LLGL2: variants seen among roughly 807,000 people sequenced by gnomAD.
LLGL2 encodes LLGL2, scribble cell polarity complex component.
A neutral mutation model predicts 123.2 loss-of-function variants in LLGL2; 81 were observed. That is an observed-to-expected ratio of 0.66 (90% CI 0.55 to 0.79). LLGL2 has a LOEUF of 0.79. Among genes scored for constraint, LLGL2 ranks in the 30% least tolerant of loss-of-function variants. The probability of loss-of-function intolerance (pLI) is 0.00; values close to 1 mark genes in which losing one functional copy is unlikely to be tolerated. For missense variants in LLGL2, 1,273 were observed against 1,414.6 expected (o/e 0.90, Z 1.61); for synonymous variants, 577 against 594.1 (o/e 0.97, Z 0.42).
chr17:75,533,882 AAG>A (rs2053904950), intron 1 of LLGL2, among the ~76,000 whole-genome samples: 1 of 152,204 alleles, frequency 6.6e-6, no homozygotes, highest in South Asian at 2.1e-4. Flanking sequence ...CATTTGAGCA[AAG>A]CTTTGAAGGA....
chr17:75,535,829 T>G (rs780518611), intron 1 of LLGL2, among the ~76,000 whole-genome samples: 2 of 152,178 alleles, frequency 1.3e-5, no homozygotes, highest in Non-Finnish European at 2.9e-5. Flanking sequence ...TCTTTCCAAG[T>G]GGGTGTCCAG....
chr17:75,556,144 G>C lies in LLGL2; in HGVS notation c.173+1G>C. ...GCACCCGTTCTGGAGCCATCAAGCT[G>C]TATCCTCCGTCCCCTCGCTCCCACT... On this transcript the variant is annotated splice_donor_variant, in intron 3 of 25. Transcript: ENST00000392550. LOFTEE classifies it high-confidence loss of function. 1.2e-6 allele frequency: 2 copies of C among 1,608,188 alleles called. No homozygotes were observed. The highest frequency in any genetic ancestry group is 1.7e-6 in the Non-Finnish European group (2 of 1,178,842).
intron 21 of LLGL2, 23 bp downstream of exon 21, chr17:75,573,654 T>TCGGCCCC: frequency 1.3e-6 from 2 of 1,550,814 alleles, no homozygotes; most frequent in Admixed American, 1.8e-5. Context: ...GCCAGAGGCC[T>TCGGCCCC]CTCCCGCCCC....
At chr17:75,556,648 G>A (rs887802633) in intron 3 of LLGL2, among the ~76,000 whole-genome samples, 4 of 152,174 alleles carry the variant, frequency 2.6e-5, no homozygotes, top group African/African-American at 9.7e-5. Context: ...TGGCTGGTGC[G>A]CCAGTAGCAA....
rs747678898 is a variant in LLGL2, at chr17:75,571,716, C to T, written c.2226C>T (p.Ile742=). Residue 742 remains isoleucine (I), a synonymous_variant, in exon 18 of 26, where the codon ATC becomes ATT. Coordinates refer to ENST00000392550, the MANE Select transcript of LLGL2 (RefSeq NM_001031803.2). The stretch of plus-strand genomic sequence containing the variant: ...GGGCTGGCACCAATGGGGGCACCAT[C>T]TATGCCTTCTCCCTGCGTGTGCCTC... ...SLWAGTNGGT[I]YAFSLRVPPA... is the part of the protein sequence containing the mutation. 53 of 1,609,708 alleles carry T rather than the reference C, an allele frequency of 3.3e-5. No individual in the cohort carries two copies. In the Admixed American group the frequency reaches 3.5e-4, roughly 11 times the overall value.
At chr17:75,568,360 A>G in intron 10 of LLGL2, 116 bp from the exon 11 acceptor site, 2 of 1,460,898 alleles carry the variant, frequency 1.4e-6, no homozygotes, top group Middle Eastern at 2.5e-4. Context: ...CAAGCAGCCA[A>G]GAACAGGGCT....
chr17:75,556,027 C>A lies in LLGL2; in HGVS notation c.76-19C>A, dbSNP rs1224667568. 2 of 1,600,990 alleles carry A rather than the reference C, an allele frequency of 1.2e-6. No homozygotes were observed. Among genetic ancestry groups the A allele is most frequent in the East Asian group, 2.2e-5 (1 of 44,828 alleles). On this transcript the variant is annotated intron_variant, in intron 2 of 25. Transcript: ENST00000392550. ...AGGGGACAGGTCTGCAGGCCCACCC[C>A]ACGTGCTTCTCGTTGCAGACGGTGG...
chr17:75,541,410 G>C (rs1442528351), intron 1 of LLGL2, among the ~76,000 whole-genome samples: 1 of 152,232 alleles, frequency 6.6e-6, no homozygotes, highest in Non-Finnish European at 1.5e-5. Context: ...GCAGATCTGG[G>C]TGTCCCCTCA....
Position 75,569,132 on chromosome 17 carries a change from G to A in LLGL2, c.1476+1G>A. 6.2e-7 allele frequency: 1 copy of A among 1,613,404 alleles called. No individual in the cohort carries two copies. Among genetic ancestry groups the A allele is most frequent in the Non-Finnish European group, 8.5e-7 (1 of 1,179,882 alleles). Reference sequence around the variant, plus strand: ...GGACGAGTGGCCCCCACTCCGCAAGGTGAGGCCAGGAGCCTGGGACCCAGG... The same window carrying A: ...GGACGAGTGGCCCCCACTCCGCAAGATGAGGCCAGGAGCCTGGGACCCAGG... On this transcript the variant is annotated splice_donor_variant, in intron 13 of 25. Coordinates refer to ENST00000392550, the MANE Select transcript of LLGL2 (RefSeq NM_001031803.2). LOFTEE classifies it high-confidence loss of function.
rs761815831 is a variant in LLGL2, at chr17:75,571,746, C to A, written c.2256C>A (p.Ala752=). ...CCTTCTCCCTGCGTGTGCCTCCCGC[C>A]GAGCGGAGAATGGATGAGCCTGTGC... The part of the protein sequence containing the change: ...IYAFSLRVPP[A]ERRMDEPVRA... Residue 752 remains alanine, a synonymous_variant, in exon 18 of 26, where the codon GCC becomes GCA. Transcript: ENST00000392550. The A allele has an allele frequency of 1.9e-6, 3 of 1,608,782 alleles. No homozygotes were observed. The African/African-American group carries it at 4.0e-5, about 21-fold the overall frequency.
In LLGL2 at chr17:75,568,774, G is replaced by C. The variant is rs2055558282; in HGVS notation, c.1257G>C (p.Glu419Asp). 6 of 1,606,906 alleles carry C rather than the reference G, an allele frequency of 3.7e-6. No homozygotes were observed. The highest frequency in any genetic ancestry group is 5.1e-6 in the Non-Finnish European group (6 of 1,175,806). Residue 419 changes from glutamate (E) to aspartate (D), a missense_variant and splice_region_variant, in exon 12 of 26, where the codon GAG becomes GAC. Transcript: ENST00000392550. The stretch of plus-strand genomic sequence containing the variant: ...GACTTCTTGGTCTCTTTTTCTAGGA[G>C]TGGCCAATTGATGGTGGCACCAGCC... ...SRQNAHFSTMEWPIDGGTSLT... is the reference protein window; with the variant it reads ...SRQNAHFSTMDWPIDGGTSLT...
chr17:75,532,077 C>CTT (rs1555648013), intron 1 of LLGL2, among the ~76,000 whole-genome samples: 18 of 83,992 alleles, frequency 2.1e-4, no homozygotes, highest in East Asian at 1.4e-3. Context: ...CACACACACA[C>CTT]TTTTTTTTTT....
chr17:75,540,281 T>G (rs1473904714), intron 1 of LLGL2, among the ~76,000 whole-genome samples: 3 of 152,156 alleles, frequency 2.0e-5, no homozygotes, highest in African/African-American at 7.2e-5. Context: ...GGTGGGGAGC[T>G]GAGGAGCCAC....
At chr17:75,529,446 C>T (rs2053694643) in intron 1 of LLGL2, among the ~76,000 whole-genome samples, 1 of 151,964 alleles carries the variant, frequency 6.6e-6, no homozygotes, top group Admixed American at 6.6e-5. Flanking sequence ...TTCAAGTGAT[C>T]TGCCTGCCTC....
rs1251287498 is a variant in LLGL2, at chr17:75,564,653, A to G, written c.1036+146A>G. ...CAAGGTGGTAGGATCGCTTGAACCC[A>G]GGAGTTCAAGTCCAGCCTGGACAAC... is the stretch of plus-strand genomic sequence containing the variant. On this transcript the variant is annotated intron_variant, in intron 10 of 25. Transcript: ENST00000392550. The surrounding 1 kb of genome is among the most constrained non-coding windows in gnomAD (Gnocchi z 4.9). The G allele has an allele frequency of 1.9e-5, 25 of 1,341,344 alleles. 1 individual carries two copies. Among genetic ancestry groups the G allele is most frequent in the Non-Finnish European group, 1.0e-6 (1 of 994,116 alleles). 83.1% of individuals were successfully genotyped at this position (1,341,344 alleles called of 1,614,324 possible). A position where few individuals can be genotyped will look rare whatever the true frequency, so the allele number is the denominator to read the frequency against.
chr17:75,550,780 C>CAAA (rs57482643), intron 2 of LLGL2, among the ~76,000 whole-genome samples: 98 of 94,588 alleles, frequency 1.0e-3, no homozygotes, highest in East Asian at 2.7e-3. Context: ...GACCCTGTCT[C>CAAA]AAAAAAAAAA....
chr17:75,537,670 C>T (rs2054056246), intron 1 of LLGL2, among the ~76,000 whole-genome samples: 1 of 151,858 alleles, frequency 6.6e-6, no homozygotes, highest in Non-Finnish European at 1.5e-5. Flanking sequence ...GCACTTCAGC[C>T]TGGGCGACAG....
At chr17:75,545,803 A>C (rs533638745) in intron 2 of LLGL2, among the ~76,000 whole-genome samples, 65 of 152,312 alleles carry the variant, frequency 4.3e-4, no homozygotes, top group African/African-American at 1.5e-3. Flanking sequence ...GTGACAGCCC[A>C]GAAGGAAGGG....
At chr17:75,529,004 A>C (rs904267424) in intron 1 of LLGL2, among the ~76,000 whole-genome samples, 1 of 150,892 alleles carries the variant, frequency 6.6e-6, no homozygotes, top group Non-Finnish European at 1.5e-5. Flanking sequence ...TAAAAATGCA[A>C]AATTAGCCAG....
Sources: gnomAD v4.1 joint callset for allele counts (sites outside exome capture counted in the v4.1 genomes callset) on GRCh38, gnomAD v4.1.1 for gene constraint, Gnocchi (gnomAD v3.1) non-coding constraint, MANE v1.5 for transcripts, NCBI Gene and HGNC (gene_info 2026-07-23, HGNC 2026-07-21) for gene names.